SCN7A: variants seen among roughly 807,000 people sequenced by gnomAD.
The protein encoded by SCN7A is sodium channel protein type 7 subunit alpha.
SCN7A carries 138 observed loss-of-function variants against 155.2 expected under a neutral mutation model. The observed-to-expected ratio is 0.89, with a 90% CI of 0.77 to 1.02. The LOEUF (loss-of-function observed/expected upper bound fraction) is 1.02. Ranked by LOEUF, SCN7A falls within the 50% of genes least tolerant of loss-of-function variation. SCN7A has a pLI of 0.00. For synonymous variants in SCN7A, 693 were observed against 649.0 expected (o/e 1.07, Z -1.03); for missense variants, 2,058 against 1,986.6 (o/e 1.04, Z -0.68).
At chr2:166,436,390 G>A (rs1701839701) in intron 15 of SCN7A, 2 of 443,178 alleles carry the variant, frequency 4.5e-6, no homozygotes, top group South Asian at 3.2e-5. Context: ...TGAAGGACAT[G>A]CCTGCTTCCT....
intron 3 of SCN7A, among the ~76,000 whole-genome samples, chr2:166,475,516 C>T (rs1313544764): frequency 6.6e-6 from 1 of 151,406 alleles, no homozygotes; most frequent in Non-Finnish European, 1.5e-5. Flanking sequence ...TTTTCTAACA[C>T]ACAATCTGTG....
At chr2:166,423,693 T>G (rs1005425527) in intron 18 of SCN7A, among the ~76,000 whole-genome samples, 1 of 152,056 alleles carries the variant, frequency 6.6e-6, no homozygotes, top group African/African-American at 2.4e-5. Flanking sequence ...GCTTCATAAT[T>G]GTTTTAAATA....
intron 11 of SCN7A, among the ~76,000 whole-genome samples, chr2:166,452,843 G>C (rs183181719): frequency 6.6e-6 from 1 of 152,132 alleles, no homozygotes; most frequent in Non-Finnish European, 1.5e-5. Flanking sequence ...GATTAAACTT[G>C]AAAATTCATG....
chr2:166,421,646 A>G (rs1390893990), intron 19 of SCN7A, among the ~76,000 whole-genome samples: 5 of 151,992 alleles, frequency 3.3e-5, no homozygotes, highest in Non-Finnish European at 2.9e-5. Context: ...ATTACTTGTA[A>G]TACAGTAATC....
In SCN7A at chr2:166,406,216, A is replaced by G; in HGVS notation, c.4413T>C (p.Val1471=). ...QVRGDCGNPS[V]GIFYFVSYIL... is the part of the protein sequence containing the mutation. ...TATAACTGACAAAATAAAAAATCCCAACAGAGGGGTTCCCACAATCTCCTC... is the reference window on the plus strand; with the variant it reads ...TATAACTGACAAAATAAAAAATCCCGACAGAGGGGTTCCCACAATCTCCTC... The change falls in exon 26 of 26, where the codon GTT becomes GTC. Residue 1471 remains valine (V), a synonymous_variant. Coordinates refer to ENST00000643258, the MANE Select transcript of SCN7A (RefSeq NM_002976.4). 1 of 1,613,158 alleles carries G rather than the reference A, an allele frequency of 6.2e-7. No homozygotes were observed. The highest frequency in any genetic ancestry group is 8.5e-7 in the Non-Finnish European group (1 of 1,179,528).
In SCN7A at chr2:166,481,835, A is replaced by C. The variant is rs76817010; in HGVS notation, c.-14-4125T>G. 5.3e-3 allele frequency among the ~76,000 whole-genome samples: 803 copies of C among 152,324 alleles called. 46 individuals carry two copies. In the East Asian group the frequency reaches 0.12, roughly 22 times the overall value. On this transcript the variant is annotated intron_variant, in intron 2 of 25. Transcript: ENST00000643258. ...ATTTCCAAGTATCCGAATGGTTCTA[A>C]TGTGGAAGAGAAATTAGACTTCCAT...
intron 9 of SCN7A, among the ~76,000 whole-genome samples, chr2:166,464,617 T>A (rs76749622): frequency 0.013 from 1,905 of 152,292 alleles, 17 homozygotes; most frequent in Non-Finnish European, 0.019. Flanking sequence ...CGTATCTTTT[T>A]AATTTTTTTT....
At chr2:166,461,225 A>T (rs907776955) in intron 10 of SCN7A, among the ~76,000 whole-genome samples, 3 of 152,080 alleles carry the variant, frequency 2.0e-5, no homozygotes, top group African/African-American at 7.2e-5. Flanking sequence ...ACAATTTATC[A>T]AGTCAACCAA....
chr2:166,482,847 T>C (rs964794745), intron 2 of SCN7A, among the ~76,000 whole-genome samples: 6 of 152,042 alleles, frequency 3.9e-5, no homozygotes, highest in African/African-American at 1.4e-4. Context: ...TGTTAAATTA[T>C]TAATCATTAA....
chr2:166,420,414 A>T (rs1575010784), intron 20 of SCN7A, among the ~76,000 whole-genome samples: 1 of 152,076 alleles, frequency 6.6e-6, no homozygotes. Context: ...AAAACACATA[A>T]ATGTATTATA....
intron 16 of SCN7A, among the ~76,000 whole-genome samples, chr2:166,431,375 G>C (rs1435665156): frequency 6.6e-6 from 1 of 152,106 alleles, no homozygotes; most frequent in Non-Finnish European, 1.5e-5. Context: ...GACAATTTGT[G>C]AAGTTATTGT....
intron 11 of SCN7A, among the ~76,000 whole-genome samples, chr2:166,455,342 T>C (rs1702250932): frequency 6.6e-6 from 1 of 151,872 alleles, no homozygotes. Context: ...CCTCTAGCAC[T>C]GTGATTTTAA....
intron 7 of SCN7A, among the ~76,000 whole-genome samples, chr2:166,469,621 G>C (rs191522602): frequency 6.6e-6 from 1 of 151,370 alleles, no homozygotes; most frequent in Non-Finnish European, 1.5e-5. Flanking sequence ...AATTCTTCTT[G>C]TATTATTACA....
chr2:166,464,731 C>A (rs1318349766), intron 9 of SCN7A, among the ~76,000 whole-genome samples: 1 of 152,170 alleles, frequency 6.6e-6, no homozygotes, highest in African/African-American at 2.4e-5. Context: ...CGGCTCCCAT[C>A]AGCCTATCCT....
At chr2:166,465,186 C>T (rs1417517515) in intron 9 of SCN7A, among the ~76,000 whole-genome samples, 1 of 152,190 alleles carries the variant, frequency 6.6e-6, no homozygotes, top group Non-Finnish European at 1.5e-5. Flanking sequence ...GACCAGAGGA[C>T]AGGCCTTCAC....
rs781711177 is a variant in SCN7A, at chr2:166,406,066, T to C, written c.4563A>G (p.Val1521=). 8 of 1,612,608 alleles carry C rather than the reference T, an allele frequency of 5.0e-6. No individual in the cohort carries two copies. The highest frequency in any genetic ancestry group is 1.7e-5 in the Admixed American group (1 of 59,758). ...TCCTATCAGGATCAAACCTTTTCCATACCTGAAAGAATTTCCTAAAATCAT... is the reference window on the plus strand; with the variant it reads ...TCCTATCAGGATCAAACCTTTTCCACACCTGAAAGAATTTCCTAAAATCAT... ...SEDDFRKFFQ[V]WKRFDPDRTQ... Residue 1521 remains valine, a synonymous_variant, in exon 26 of 26, where the codon GTA becomes GTG. Transcript: ENST00000643258.
At chr2:166,469,917 G>C (rs962427034) in intron 7 of SCN7A, among the ~76,000 whole-genome samples, 1 of 151,868 alleles carries the variant, frequency 6.6e-6, no homozygotes, top group African/African-American at 2.4e-5. Flanking sequence ...CTTTGTTTTT[G>C]CTTTTATTAT....
chr2:166,430,841 T>TC (rs1165655591), intron 16 of SCN7A, among the ~76,000 whole-genome samples: 1 of 151,998 alleles, frequency 6.6e-6, no homozygotes, highest in Non-Finnish European at 1.5e-5. Context: ...TATAATATTT[T>TC]TGTGTTTTAT....
chr2:166,405,632 C>A lies in SCN7A; in HGVS notation c.4997G>T (p.Gly1666Val). The change falls in exon 26 of 26, where the codon GGT (glycine) becomes GTT (valine). Residue 1666 changes from glycine (G) to valine (V), a missense_variant. Transcript: ENST00000643258. The stretch of plus-strand genomic sequence containing the variant: ...TTCCTTAGCTTTGTCAAAATAGGCA[C>A]CTTCTTTAGTAGCATGAACATCTCT... ...GDRDVHATKE[G>V]AYFDKAKEKS... 1 of 1,607,944 alleles carries A rather than the reference C, an allele frequency of 6.2e-7. No individual in the cohort carries two copies. The highest frequency in any genetic ancestry group is 8.5e-7 in the Non-Finnish European group (1 of 1,177,350).
Sources: gnomAD v4.1 joint callset for allele counts (sites outside exome capture counted in the v4.1 genomes callset) on GRCh38, gnomAD v4.1.1 for gene constraint, MANE v1.5 for transcripts, NCBI Gene and HGNC (gene_info 2026-07-23, HGNC 2026-07-21) for gene names.